ZNF782: variants seen among roughly 807,000 people sequenced by gnomAD.
ZNF782 encodes zinc finger protein 782.
Under a neutral mutation model 13.0 loss-of-function variants are expected in ZNF782, and 12 were observed. The ratio of observed to expected loss-of-function variants is 0.92; its 90% CI spans 0.59 to 1.50. The LOEUF is 1.50. Ranked by LOEUF, ZNF782 falls within the 40% of genes most tolerant of loss-of-function variation. The pLI, the probability that ZNF782 is intolerant of heterozygous loss-of-function variation, is 0.00. For missense variants in ZNF782, 770 were observed against 822.9 expected, an observed-to-expected ratio of 0.94 and a Z score of 0.79; for synonymous variants, 284 against 283.0, an observed-to-expected ratio of 1.00 and a Z score of -0.04.
intron 1 of ZNF782, among the ~76,000 whole-genome samples, chr9:96,864,899 A>AAT (rs58037296): frequency 2.0e-5 from 3 of 150,388 alleles, no homozygotes; most frequent in African/African-American, 7.3e-5. Flanking sequence ...AAAAAAAAAA[A>AAT]TCCCAGCTCA....
the ZNF782 span, chr9:96,931,646 G>A: frequency 2.6e-6 from 4 of 1,556,046 alleles, no homozygotes; most frequent in Admixed American, 5.3e-5. Context: ...CAGCTGTTGG[G>A]ACTCCCCTGA....
At chr9:96,866,123 T>A (rs957692451) in intron 1 of ZNF782, among the ~76,000 whole-genome samples, 1 of 152,194 alleles carries the variant, frequency 6.6e-6, no homozygotes, top group Non-Finnish European at 1.5e-5. Context: ...TTTGCATAAG[T>A]AATGAGGAGC....
chr9:96,921,780 G>C, the ZNF782 span, among the ~76,000 whole-genome samples: 1 of 149,432 alleles, frequency 6.7e-6, no homozygotes. Flanking sequence ...TGCAACCTCT[G>C]CCTCCCAGGT....
At chr9:96,914,367 G>C in the ZNF782 span, among the ~76,000 whole-genome samples, 1 of 151,186 alleles carries the variant, frequency 6.6e-6, no homozygotes, top group Non-Finnish European at 1.5e-5. Flanking sequence ...TGATCTGCCC[G>C]CCTTGGCCTC....
chr9:96,909,941 T>A, the ZNF782 span: 3 of 402,308 alleles, frequency 7.5e-6, no homozygotes, highest in South Asian at 6.0e-5. Context: ...AAAAGCCATC[T>A]TTGCATTGTT....
chr9:96,861,958 C>G (rs2118862149), intron 1 of ZNF782, among the ~76,000 whole-genome samples: 1 of 152,326 alleles, frequency 6.6e-6, no homozygotes, highest in Admixed American at 6.5e-5. Flanking sequence ...GATACTTGCA[C>G]TCTCATGGAT....
chr9:96,902,498 G>A, the ZNF782 span, among the ~76,000 whole-genome samples: 1 of 129,340 alleles, frequency 7.7e-6, no homozygotes, highest in East Asian at 2.3e-4. Flanking sequence ...TAGACAATGA[G>A]TAGAGCTTTG....
Position 96,835,049 on chromosome 9 carries a change from T to C in ZNF782, c.143-7868A>G, listed in dbSNP as rs544699542. On this transcript the variant is annotated intron_variant, in intron 4 of 5. Transcript: ENST00000481138. ...CTCAGATGGAAATGAGGAAGCATTA[T>C]TAGGAACTGGAAAAAAGGCCATCCT... is the stretch of plus-strand genomic sequence containing the variant. Among the ~76,000 whole-genome samples the C allele has an allele frequency of 6.3e-4, 96 of 152,302 alleles. 1 individual carries two copies. The highest frequency in any genetic ancestry group is 1.9e-3 in the South Asian group (9 of 4,822).
the ZNF782 span, among the ~76,000 whole-genome samples, chr9:96,927,170 G>A: frequency 6.6e-6 from 1 of 152,226 alleles, no homozygotes; most frequent in African/African-American, 2.4e-5. Flanking sequence ...TGACACTTGT[G>A]ATGAAGATGA....
chr9:96,893,654 A>G, the ZNF782 span: 1 of 151,760 alleles, frequency 6.6e-6, no homozygotes. Context: ...GATAGACTGG[A>G]TTAAGAAAAT....
At chr9:96,864,359 A>AT (rs1257872542) in intron 1 of ZNF782, among the ~76,000 whole-genome samples, 1 of 152,024 alleles carries the variant, frequency 6.6e-6, no homozygotes, top group Non-Finnish European at 1.5e-5. Flanking sequence ...AAAACATAAA[A>AT]GAGTTTATGA....
At chr9:96,823,149 A>G (rs1347127124) in intron 5 of ZNF782, among the ~76,000 whole-genome samples, 1 of 152,220 alleles carries the variant, frequency 6.6e-6, no homozygotes, top group Non-Finnish European at 1.5e-5. Context: ...TGGGCTGATC[A>G]TGTGGTCTCT....
At chr9:96,824,494 C>A (rs937248218) in intron 5 of ZNF782, among the ~76,000 whole-genome samples, 1 of 151,964 alleles carries the variant, frequency 6.6e-6, no homozygotes, top group Non-Finnish European at 1.5e-5. Context: ...AAAACTGGCA[C>A]AAGACAAGGA....
At chr9:96,903,602 G>T in the ZNF782 span, among the ~76,000 whole-genome samples, 1 of 110,090 alleles carries the variant, frequency 9.1e-6, no homozygotes, top group South Asian at 3.1e-4. Context: ...TAGCTCTGTC[G>T]CCCAGGCTGG....
chr9:96,913,540 G>A, the ZNF782 span, among the ~76,000 whole-genome samples: 1 of 151,234 alleles, frequency 6.6e-6, no homozygotes, highest in Non-Finnish European at 1.5e-5. Flanking sequence ...GGGTTGGAGG[G>A]GACGGAGCCT....
chr9:96,863,202 A>G (rs1851722572), intron 1 of ZNF782, among the ~76,000 whole-genome samples: 1 of 152,192 alleles, frequency 6.6e-6, no homozygotes, highest in Admixed American at 6.5e-5. Context: ...ATTAGCGTCT[A>G]TCAGATTTTT....
chr9:96,849,245 A>C (rs1851425243), intron 3 of ZNF782, among the ~76,000 whole-genome samples: 1 of 152,214 alleles, frequency 6.6e-6, no homozygotes, highest in African/African-American at 2.4e-5. Context: ...AGAAGCACCC[A>C]ATCTAGATCC....
chr9:96,883,841 G>A, the ZNF782 span, among the ~76,000 whole-genome samples: 4 of 152,218 alleles, frequency 2.6e-5, no homozygotes, highest in African/African-American at 9.6e-5. Context: ...ACTGCAGGGT[G>A]ATGAGTTCTC....
chr9:96,875,716 G>A (rs1851884558), upstream of ZNF782: 1 of 405,362 alleles, frequency 2.5e-6, no homozygotes, highest in Admixed American at 2.8e-5. Flanking sequence ...CGGGCTTCCC[G>A]TTCTCACCCT....
Sources: gnomAD v4.1 joint callset for allele counts (sites outside exome capture counted in the v4.1 genomes callset) on GRCh38, gnomAD v4.1.1 for gene constraint, MANE v1.5 for transcripts, NCBI Gene and HGNC (gene_info 2026-07-23, HGNC 2026-07-21) for gene names.